Variants in ACOX3 observed in about 807,000 individuals in gnomAD.
ACOX3 encodes peroxisomal acyl-coenzyme A oxidase 3.
In ACOX3, 73 loss-of-function variants were observed where a neutral mutation model predicts 81.5. That is an observed-to-expected ratio of 0.90 (90% CI 0.74 to 1.09). ACOX3 has a LOEUF of 1.09. Among genes scored for constraint, ACOX3 ranks in the 50% least tolerant of loss-of-function variants. The pLI, the probability that ACOX3 is intolerant of heterozygous loss-of-function variation, is 0.00. For missense variants in ACOX3, 947 were observed against 928.0 expected (o/e 1.02, Z -0.27); for synonymous variants, 387 against 375.1 (o/e 1.03, Z -0.37).
intron 8 of ACOX3, among the ~76,000 whole-genome samples, chr4:8,398,958 T>C (rs1256470373): frequency 6.6e-6 from 1 of 152,216 alleles, no homozygotes; most frequent in East Asian, 1.9e-4. Context: ...GTTCCCACTC[T>C]GCGCACCCTG....
At chr4:8,396,474 C>T (rs147514739) in intron 9 of ACOX3, among the ~76,000 whole-genome samples, 40 of 152,146 alleles carry the variant, frequency 2.6e-4, no homozygotes, top group African/African-American at 9.2e-4. Context: ...GTCAGGAGTT[C>T]GAGACCGGCC....
the ACOX3 span, chr4:8,356,600 T>A: frequency 2.2e-6 from 1 of 456,142 alleles, no homozygotes; most frequent in Non-Finnish European, 4.4e-6. Context: ...GTGTGCAGAA[T>A]GGTGTACGCT....
intron 8 of ACOX3, among the ~76,000 whole-genome samples, chr4:8,397,618 C>G (rs1719862559): frequency 6.6e-6 from 1 of 152,256 alleles, no homozygotes; most frequent in Non-Finnish European, 1.5e-5. Context: ...AATCTTCCGT[C>G]CACTATCTCC....
intron 1 of ACOX3, among the ~76,000 whole-genome samples, chr4:8,421,915 A>G (rs990875130): frequency 2.0e-5 from 3 of 152,288 alleles, no homozygotes; most frequent in African/African-American, 7.2e-5. Flanking sequence ...CTGCAATACA[A>G]TCTCTAAGCC....
Position 8,437,284 on chromosome 4 carries a change from A to G in ACOX3, c.-15+3364T>C, listed in dbSNP as rs1209776169. On this transcript the variant is annotated intron_variant, in intron 1 of 17. Transcript: ENST00000356406. This position sits in a 1 kb window ranked among gnomAD's most constrained non-coding sequence, Gnocchi z 5.2. ...GTGACCAAGGAACAAAACAGGAAAG[A>G]GCAAAAGCAACAAGTGCGGCAGCTA... Among the ~76,000 whole-genome samples the G allele has an allele frequency of 6.6e-6, 1 of 151,878 alleles. No homozygotes were observed. Among genetic ancestry groups the G allele is most frequent in the Non-Finnish European group, 1.5e-5 (1 of 68,004 alleles).
At chr4:8,436,819 T>TAAA (rs1348228211) in intron 1 of ACOX3, among the ~76,000 whole-genome samples, 5 of 136,252 alleles carry the variant, frequency 3.7e-5, no homozygotes, top group Non-Finnish European at 6.4e-5. Context: ...CTGTCTCTAC[T>TAAA]AAAAAAAAAA....
intron 1 of ACOX3, among the ~76,000 whole-genome samples, chr4:8,424,961 T>C (rs1409606404): frequency 1.3e-5 from 2 of 152,196 alleles, no homozygotes; most frequent in Admixed American, 1.3e-4. Flanking sequence ...GCAGAACTAA[T>C]AGCCCTCACT....
In ACOX3 at chr4:8,431,701, C is replaced by G. The variant is rs1406927867; in HGVS notation, c.-15+8947G>C. Among the ~76,000 whole-genome samples the G allele has an allele frequency of 6.6e-6, 1 of 152,220 alleles. No individual in the cohort carries two copies. Among genetic ancestry groups the G allele is most frequent in the Non-Finnish European group, 1.5e-5 (1 of 68,032 alleles). ...ACAGTAGGGGTGGGGTGAGTGTCAT[C>G]AGTAACTCAGTGGACAATGACCCAC... is the stretch of plus-strand genomic sequence containing the variant. On this transcript the variant is annotated intron_variant, in intron 1 of 17. Coordinates refer to ENST00000356406, the MANE Select transcript of ACOX3 (RefSeq NM_003501.3). The surrounding 1 kb of genome is among the most constrained non-coding windows in gnomAD (Gnocchi z 5.3).
Position 8,423,305 on chromosome 4 carries a change from C to T in ACOX3, c.-14-6770G>A, listed in dbSNP as rs1481187559. Among the ~76,000 whole-genome samples the T allele has an allele frequency of 1.3e-5, 2 of 152,120 alleles. No individual in the cohort carries two copies. Among genetic ancestry groups the T allele is most frequent in the Admixed American group, 1.3e-4 (2 of 15,276 alleles). On this transcript the variant is annotated intron_variant, in intron 1 of 17. Coordinates refer to ENST00000356406, the MANE Select transcript of ACOX3 (RefSeq NM_003501.3). This position sits in a 1 kb window ranked among gnomAD's most constrained non-coding sequence, Gnocchi z 4.2. ...AGCAAAAGCAGGGGCCATTATACAC[C>T]TGAACATGGGAGAAGGAACACCGTT... is the stretch of plus-strand genomic sequence containing the variant.
At chr4:8,376,730 C>T (rs1172380922) in intron 14 of ACOX3, among the ~76,000 whole-genome samples, 1 of 152,180 alleles carries the variant, frequency 6.6e-6, no homozygotes, top group Non-Finnish European at 1.5e-5. Context: ...AGCATGGGGC[C>T]TTGGGGCTTC....
downstream of ACOX3, among the ~76,000 whole-genome samples, chr4:8,363,835 G>A (rs553630490): frequency 2.9e-4 from 44 of 152,142 alleles, no homozygotes; most frequent in African/African-American, 9.6e-4. Flanking sequence ...TCCCACCAGC[G>A]CCATGACAGT....
chr4:8,425,383 G>C (rs1253537962), intron 1 of ACOX3, among the ~76,000 whole-genome samples: 2 of 151,922 alleles, frequency 1.3e-5, no homozygotes, highest in African/African-American at 2.4e-5. Flanking sequence ...CTTCCCCTCA[G>C]GATGGCTAGC....
At position 8,430,229 on chromosome 4, in the gene ACOX3, CAGAA is replaced by C; in HGVS notation, c.-15+10415_-15+10418del. On this transcript the variant is annotated intron_variant, in intron 1 of 17. Transcript: ENST00000356406. This position sits in a 1 kb window ranked among gnomAD's most constrained non-coding sequence, Gnocchi z 5.2. ...CAGTGGGAGCGTCCGATTGCAAAAG[CAGAA>C]GGAAGGGACTGAAAGATCATTTCGG... 6.6e-6 allele frequency among the ~76,000 whole-genome samples: 1 copy of C among 152,312 alleles called. No homozygotes were observed. Among genetic ancestry groups the C allele is most frequent in the African/African-American group, 2.4e-5 (1 of 41,568 alleles).
At position 8,386,670 on chromosome 4, in the gene ACOX3, G is replaced by A. The variant is rs1054521863; in HGVS notation, c.1537+2503C>T. On this transcript the variant is annotated intron_variant, in intron 13 of 17. Coordinates refer to ENST00000356406, the MANE Select transcript of ACOX3 (RefSeq NM_003501.3). This position sits in a 1 kb window ranked among gnomAD's most constrained non-coding sequence, Gnocchi z 5.2. ...CAAAAAGGCAGGCTAAGATCTGCACGGTTAGTTACCGTCAGAAGCTGTAAC... is the reference window on the plus strand; with the variant it reads ...CAAAAAGGCAGGCTAAGATCTGCACAGTTAGTTACCGTCAGAAGCTGTAAC... 4.6e-5 allele frequency among the ~76,000 whole-genome samples: 7 copies of A among 152,130 alleles called. No individual in the cohort carries two copies. The highest frequency in any genetic ancestry group is 2.1e-4 in the South Asian group (1 of 4,830).
chr4:8,391,620 T>C (rs1719007495), intron 11 of ACOX3, among the ~76,000 whole-genome samples: 1 of 152,280 alleles, frequency 6.6e-6, no homozygotes, highest in South Asian at 2.1e-4. Flanking sequence ...GGGCACGCAC[T>C]ACATGCCAGA....
intron 1 of ACOX3, among the ~76,000 whole-genome samples, chr4:8,436,552 C>G (rs1309660263): frequency 6.6e-6 from 1 of 152,054 alleles, no homozygotes; most frequent in Non-Finnish European, 1.5e-5. Context: ...TGCAGCAGTA[C>G]TAAGAGGCAC....
Position 8,437,804 on chromosome 4 carries a change from C to T in ACOX3, c.-15+2844G>A, listed in dbSNP as rs528184671. ...AGAGGCCATTGGCCAAGGGCTGCCG[C>T]ACCTTGGAGGAACCAAATACTGATC... On this transcript the variant is annotated intron_variant, in intron 1 of 17. Coordinates refer to ENST00000356406, the MANE Select transcript of ACOX3 (RefSeq NM_003501.3). This position sits in a 1 kb window ranked among gnomAD's most constrained non-coding sequence, Gnocchi z 5.2. Among the ~76,000 whole-genome samples, 5 of 152,342 alleles carry T rather than the reference C, an allele frequency of 3.3e-5. No homozygotes were observed. In the South Asian group the frequency reaches 1.0e-3, roughly 32 times the overall value.
intron 1 of ACOX3, among the ~76,000 whole-genome samples, chr4:8,427,898 T>G (rs1454082447): frequency 6.6e-6 from 1 of 152,034 alleles, no homozygotes; most frequent in East Asian, 1.9e-4. Context: ...TATGGTGATG[T>G]CTGCCTAGTG....
In ACOX3 at chr4:8,410,332, A is replaced by G. The variant is rs759151156; in HGVS notation, c.567T>C (p.Asp189=). The change falls in exon 6 of 18, where the codon GAT becomes GAC. Residue 189 remains aspartate, a synonymous_variant. Coordinates refer to ENST00000356406, the MANE Select transcript of ACOX3 (RefSeq NM_003501.3). The stretch of plus-strand genomic sequence containing the variant: ...CAACCCAAAACTTGGCAGCTTCGAA[A>G]TCAGGGGAATGTATGATGAATTCCT... ...ATEEFIIHSP[D]FEAAKFWVGN... The G allele has an allele frequency of 1.2e-5, 20 of 1,613,972 alleles. No homozygotes were observed. The Admixed American group carries it at 3.3e-4, about 27-fold the overall frequency.
Sources: gnomAD v4.1 joint callset for allele counts (sites outside exome capture counted in the v4.1 genomes callset) on GRCh38, gnomAD v4.1.1 for gene constraint, Gnocchi (gnomAD v3.1) non-coding constraint, MANE v1.5 for transcripts, NCBI Gene and HGNC (gene_info 2026-07-23, HGNC 2026-07-21) for gene names.